The following R3HDM1 variants were observed in gnomAD, a reference collection of about 807,000 sequenced individuals.
R3HDM1 encodes R3H domain-containing protein 1.
A neutral mutation model predicts 141.1 loss-of-function variants in R3HDM1; 46 were observed. The ratio of observed to expected loss-of-function variants is 0.33; its 90% CI spans 0.26 to 0.42. The LOEUF (loss-of-function observed/expected upper bound fraction) is 0.42, where lower values mean the gene tolerates loss of function less well. Among genes scored for constraint, R3HDM1 ranks in the 10% least tolerant of loss-of-function variants. R3HDM1 has a pLI of 1.00. For synonymous variants in R3HDM1, 435 were observed against 472.9 expected (o/e 0.92, Z 1.04); for missense variants, 1,184 against 1,368.3 (o/e 0.87, Z 2.12).
chr2:135,666,308 C>T (rs2067485676), intron 19 of R3HDM1, among the ~76,000 whole-genome samples: 1 of 152,144 alleles, frequency 6.6e-6, no homozygotes, highest in African/African-American at 2.4e-5. Flanking sequence ...CAAATAGGGA[C>T]TCAAGGCACA....
chr2:135,692,121 A>C (rs922589039), intron 21 of R3HDM1, among the ~76,000 whole-genome samples: 1 of 152,028 alleles, frequency 6.6e-6, no homozygotes, highest in Non-Finnish European at 1.5e-5. Flanking sequence ...CATGTTGTCC[A>C]GGCAGGTCTC....
At chr2:135,575,198 TACCTC>T (rs1450454466) in intron 1 of R3HDM1, among the ~76,000 whole-genome samples, 2 of 152,206 alleles carry the variant, frequency 1.3e-5, no homozygotes, top group Non-Finnish European at 2.9e-5. Flanking sequence ...AAATTCAAAA[TACCTC>T]GACCCAAACT....
At chr2:135,632,894 T>A (rs189743175) in intron 9 of R3HDM1, among the ~76,000 whole-genome samples, 1 of 152,336 alleles carries the variant, frequency 6.6e-6, no homozygotes, top group African/African-American at 2.4e-5. Context: ...TATCTATGAA[T>A]GATTTAATTT....
In R3HDM1 at chr2:135,609,329, T is replaced by G. The variant is rs1180989440; in HGVS notation, c.171+4313T>G. Among the ~76,000 whole-genome samples the G allele has an allele frequency of 2.6e-5, 4 of 152,224 alleles. 1 individual carries two copies. In the South Asian group the frequency reaches 8.3e-4, roughly 31 times the overall value. ...ATTTTATAGAAATTTTAGGATTACT[T>G]TCATAAAAATTTCTTAATACTTCAG... On this transcript the variant is annotated intron_variant, in intron 3 of 26. Transcript: ENST00000683871.
chr2:135,688,708 G>A (rs1014969019), intron 21 of R3HDM1, among the ~76,000 whole-genome samples: 7 of 152,212 alleles, frequency 4.6e-5, no homozygotes, highest in Middle Eastern at 3.4e-3. Context: ...AGGCCGAGGC[G>A]GGTGATCACT....
chr2:135,545,388 G>T (rs532433285), intron 1 of R3HDM1, among the ~76,000 whole-genome samples: 1 of 152,150 alleles, frequency 6.6e-6, no homozygotes, highest in South Asian at 2.1e-4. Flanking sequence ...GTTGAGGTTA[G>T]AACATGATGG....
rs1223557499 is a variant in R3HDM1 at position 135,651,749 on chromosome 2, A to C, written c.1745A>C (p.Gln582Pro). 6.2e-7 allele frequency: 1 copy of C among 1,612,158 alleles called. No homozygotes were observed. Among genetic ancestry groups the C allele is most frequent in the Non-Finnish European group, 8.5e-7 (1 of 1,178,736 alleles). ...TTTTAGCAGGATAACCTAGGGTCTCAGTTTAGCCACATGAGTCTTGCTCGC... is the reference window on the plus strand; with the variant it reads ...TTTTAGCAGGATAACCTAGGGTCTCCGTTTAGCCACATGAGTCTTGCTCGC... The part of the protein sequence containing the change: ...QYSVQDNLGS[Q>P]FSHMSLARQP... The change falls in exon 18 of 27, where the codon CAG (glutamine) becomes CCG (proline). Residue 582 changes from glutamine (Q) to proline (P), a missense_variant. Gln to Pro is a moderately conservative substitution (Grantham distance 76). This residue lies in a region of R3HDM1 where 563 missense variants were observed against 562.0 expected (regional missense o/e 1.00). Coordinates refer to ENST00000683871, the MANE Select transcript of R3HDM1 (RefSeq NM_001378107.1).
chr2:135,550,794 A>T (rs1344958155), intron 1 of R3HDM1, among the ~76,000 whole-genome samples: 1 of 152,252 alleles, frequency 6.6e-6, no homozygotes, highest in Non-Finnish European at 1.5e-5. Flanking sequence ...TGTATCAAGT[A>T]TAAATCATTT....
intron 7 of R3HDM1, among the ~76,000 whole-genome samples, chr2:135,623,827 C>G (rs760722735): frequency 1.3e-5 from 2 of 152,124 alleles, no homozygotes; most frequent in Non-Finnish European, 2.9e-5. Context: ...AAAAAGACAC[C>G]TGATAATTAA....
chr2:135,549,576 A>AC lies in R3HDM1; in HGVS notation c.-250+17943_-250+17944insC, dbSNP rs1212556048. 2.9e-4 allele frequency among the ~76,000 whole-genome samples: 43 copies of AC among 148,022 alleles called. 1 individual carries two copies. The highest frequency in any genetic ancestry group is 1.6e-3 in the Admixed American group (23 of 14,762). ...AACTCTGCCTCAAAAAAAAAAAAAA[A>AC]AAAAACAAAAACAAAATGGGGTCTT... On this transcript the variant is annotated intron_variant, in intron 1 of 26. Transcript: ENST00000683871.
intron 7 of R3HDM1, 73 bp downstream of exon 7, chr2:135,622,805 G>T: frequency 6.9e-7 from 1 of 1,443,284 alleles, no homozygotes. Context: ...TTTCATTATT[G>T]AGTTAGAGTA....
At chr2:135,587,684 A>G (rs1180914064) in intron 1 of R3HDM1, among the ~76,000 whole-genome samples, 1 of 152,026 alleles carries the variant, frequency 6.6e-6, no homozygotes, top group Admixed American at 6.6e-5. Context: ...AGCAACACAT[A>G]CTCTCAGTTC....
chr2:135,616,839 A>G, intron 5 of R3HDM1, 82 bp downstream of exon 5: 1 of 1,227,294 alleles, frequency 8.1e-7, no homozygotes, highest in Non-Finnish European at 1.2e-6. Context: ...TGTTTGTTAT[A>G]TTTGTTTTAT....
intron 1 of R3HDM1, among the ~76,000 whole-genome samples, chr2:135,555,978 T>C (rs889344030): frequency 7.2e-5 from 11 of 152,100 alleles, no homozygotes; most frequent in African/African-American, 2.4e-4. Flanking sequence ...ATCTTGCCAC[T>C]GTACTCCAAC....
chr2:135,549,655 A>G (rs1346138190), intron 1 of R3HDM1, among the ~76,000 whole-genome samples: 1 of 151,704 alleles, frequency 6.6e-6, no homozygotes, highest in Non-Finnish European at 1.5e-5. Context: ...TACCCAGCTT[A>G]TATAGTTCCT....
intron 1 of R3HDM1, among the ~76,000 whole-genome samples, chr2:135,546,853 G>A (rs1221577332): frequency 6.6e-6 from 1 of 152,100 alleles, no homozygotes; most frequent in African/African-American, 2.4e-5. Context: ...TGTATTTTTA[G>A]TAGAGATGGA....
intron 6 of R3HDM1, chr2:135,622,010 A>G (rs1367340280): frequency 2.0e-6 from 2 of 983,936 alleles, no homozygotes; most frequent in Non-Finnish European, 2.4e-6. Flanking sequence ...TATTTTTTAT[A>G]AGTTTGGAGG....
intron 1 of R3HDM1, among the ~76,000 whole-genome samples, chr2:135,588,434 A>C (rs971570603): frequency 6.6e-6 from 1 of 152,028 alleles, no homozygotes; most frequent in Non-Finnish European, 1.5e-5. Flanking sequence ...TCAGTCACAC[A>C]CATTCACTCT....
At chr2:135,684,455 G>A (rs1441308602) in intron 21 of R3HDM1, among the ~76,000 whole-genome samples, 1 of 152,120 alleles carries the variant, frequency 6.6e-6, no homozygotes, top group Non-Finnish European at 1.5e-5. Context: ...ATCATTAACT[G>A]TTGGACTCAA....
Sources: allele counts gnomAD v4.1 joint callset (sites outside exome capture counted in the v4.1 genomes callset), GRCh38; gene constraint gnomAD v4.1.1; regional missense constraint gnomAD v4.1.1; transcripts MANE v1.5; gene names NCBI Gene and HGNC (gene_info 2026-07-23, HGNC 2026-07-21).